Variants in MAPK10 observed in about 807,000 individuals in gnomAD.
The protein encoded by MAPK10 is JNK3 alpha protein kinase.
In MAPK10, 25 loss-of-function variants were observed where a neutral mutation model predicts 59.3. That is an observed-to-expected ratio of 0.42 (90% confidence interval 0.31 to 0.59). MAPK10 has a LOEUF of 0.59. MAPK10 is among the 20% of genes least tolerant of loss of function. MAPK10 has a pLI of 0.15. For synonymous variants in MAPK10, 190 were observed against 200.5 expected, an observed-to-expected ratio of 0.95 and a Z score of 0.44; for missense variants, 351 against 568.9, an observed-to-expected ratio of 0.62 and a Z score of 3.90.
chr4:86,159,255 C>G, intron 4 of MAPK10, 43 bp downstream of exon 4: 2 of 1,490,530 alleles, frequency 1.3e-6, no homozygotes, highest in Non-Finnish European at 1.8e-6. Context: ...TAGTTGCACA[C>G]GGTGTGTTCC....
chr4:86,135,909 A>G (rs560608960), intron 4 of MAPK10, among the ~76,000 whole-genome samples: 19 of 152,218 alleles, frequency 1.2e-4, no homozygotes, highest in Middle Eastern at 3.2e-3. Flanking sequence ...AGGAGCCGAT[A>G]CGATCAACTG....
chr4:86,507,901 G>C (rs1261016532), intron 1 of MAPK10, among the ~76,000 whole-genome samples: 4 of 150,134 alleles, frequency 2.7e-5, no homozygotes, highest in African/African-American at 4.9e-5. Context: ...TTGCACAAAG[G>C]CCATTGCAAC....
intron 2 of MAPK10, among the ~76,000 whole-genome samples, chr4:86,304,422 C>T (rs2095528113): frequency 1.4e-5 from 2 of 143,764 alleles, no homozygotes; most frequent in East Asian, 2.0e-4. Context: ...AGACGGAGTC[C>T]CGCTGTTTAG....
intron 4 of MAPK10, among the ~76,000 whole-genome samples, chr4:86,144,162 C>T (rs924232329): frequency 6.6e-6 from 1 of 152,122 alleles, no homozygotes; most frequent in African/African-American, 2.4e-5. Flanking sequence ...ACAGCACATG[C>T]ACTTATAAAT....
chr4:86,407,651 T>A (rs1208662431), intron 1 of MAPK10, among the ~76,000 whole-genome samples: 4 of 146,094 alleles, frequency 2.7e-5, no homozygotes, highest in African/African-American at 1.0e-4. Flanking sequence ...TAGTAGGCAC[T>A]CAATGTTTAT....
chr4:86,166,063 C>G (rs1172257516), intron 3 of MAPK10, among the ~76,000 whole-genome samples: 1 of 152,226 alleles, frequency 6.6e-6, no homozygotes, highest in Non-Finnish European at 1.5e-5. Context: ...TTCTGCCTGC[C>G]TTCTTTACAT....
At chr4:86,290,767 C>G (rs543332518) in intron 2 of MAPK10, among the ~76,000 whole-genome samples, 1 of 152,102 alleles carries the variant, frequency 6.6e-6, no homozygotes, top group African/African-American at 2.4e-5. Flanking sequence ...GATGTAGCAG[C>G]CTTATAAAGT....
At position 86,198,336 on chromosome 4, in the gene MAPK10, T is replaced by G. The variant is rs756175626; in HGVS notation, c.-6-3929A>C. On this transcript the variant is annotated intron_variant, in intron 2 of 13. Coordinates refer to ENST00000641462, the MANE Select transcript of MAPK10 (RefSeq NM_138982.4). ...TGAGGTTTCTCTTCAGTAATGCAAC[T>G]GTGTGTGCTGAGGTCACCTGAACAT... 5.3e-5 allele frequency among the ~76,000 whole-genome samples: 8 copies of G among 152,184 alleles called. No homozygotes were observed. The South Asian group carries it at 1.5e-3, about 28-fold the overall frequency.
At chr4:86,293,233 A>G (rs748824798) in intron 2 of MAPK10, among the ~76,000 whole-genome samples, 1 of 152,220 alleles carries the variant, frequency 6.6e-6, no homozygotes, top group Admixed American at 6.5e-5. Context: ...AAAATATCAA[A>G]TGTATAGAAT....
intron 11 of MAPK10, among the ~76,000 whole-genome samples, chr4:86,042,593 A>T (rs1441570034): frequency 2.6e-5 from 4 of 152,192 alleles, no homozygotes; most frequent in Non-Finnish European, 5.9e-5. Context: ...ATAGTTTTTT[A>T]AAAATGCAAG....
At chr4:86,189,619 A>G (rs755531734) in intron 3 of MAPK10, among the ~76,000 whole-genome samples, 4 of 152,194 alleles carry the variant, frequency 2.6e-5, no homozygotes, top group Admixed American at 6.5e-5. Flanking sequence ...ACTTTGCTGA[A>G]GTTGCTTATC....
intron 3 of MAPK10, among the ~76,000 whole-genome samples, chr4:86,191,250 G>A (rs958254716): frequency 6.6e-6 from 1 of 152,278 alleles, no homozygotes; most frequent in Admixed American, 6.5e-5. Context: ...TTCTGTAGAT[G>A]TCTATTAGGT....
intron 2 of MAPK10, among the ~76,000 whole-genome samples, chr4:86,354,140 T>G (rs1186578264): frequency 6.6e-6 from 1 of 152,008 alleles, no homozygotes; most frequent in Non-Finnish European, 1.5e-5. Flanking sequence ...AAGAAAACCA[T>G]AATTTAGCTC....
intron 4 of MAPK10, among the ~76,000 whole-genome samples, chr4:86,122,057 T>G (rs533832901): frequency 5.3e-5 from 8 of 152,194 alleles, no homozygotes; most frequent in Non-Finnish European, 7.4e-5. Flanking sequence ...GTCTTTTTTT[T>G]GGGAGGGGCA....
chr4:86,144,405 C>T (rs1443710876), intron 4 of MAPK10, among the ~76,000 whole-genome samples: 1 of 151,960 alleles, frequency 6.6e-6, no homozygotes. Context: ...GCTCTTTGAG[C>T]AGATAAAGCA....
At position 86,244,927 on chromosome 4, in the gene MAPK10, T is replaced by C. The variant is rs533000874; in HGVS notation, c.-6-50520A>G. On this transcript the variant is annotated intron_variant, in intron 2 of 13. Transcript: ENST00000641462. ...TAGATTGCTTCCCCATCCTTCAGCA[T>C]TGACACAATATTTCCTATGTTACAC... Among the ~76,000 whole-genome samples, 4 of 152,364 alleles carry C rather than the reference T, an allele frequency of 2.6e-5. No individual in the cohort carries two copies. In the South Asian group the frequency reaches 8.3e-4, roughly 32 times the overall value.
intron 9 of MAPK10, among the ~76,000 whole-genome samples, chr4:86,092,088 A>C (rs986960673): frequency 2.6e-5 from 4 of 152,216 alleles, no homozygotes; most frequent in Non-Finnish European, 4.4e-5. Flanking sequence ...TAAAATATAT[A>C]TCTTCATGGG....
At chr4:86,172,035 C>G in intron 3 of MAPK10, among the ~76,000 whole-genome samples, 1 of 141,134 alleles carries the variant, frequency 7.1e-6, no homozygotes, top group South Asian at 2.2e-4. Flanking sequence ...TACCATCTCA[C>G]ACCAGTTAGA....
intron 1 of MAPK10, among the ~76,000 whole-genome samples, chr4:86,538,640 T>C (rs974516037): frequency 2.0e-5 from 3 of 152,218 alleles, no homozygotes; most frequent in East Asian, 1.9e-4. Context: ...TATAAACCAA[T>C]TGGAGAGTAG....
Sources: allele counts gnomAD v4.1 joint callset (sites outside exome capture counted in the v4.1 genomes callset), GRCh38; gene constraint gnomAD v4.1.1; transcripts MANE v1.5; gene names NCBI Gene and HGNC (gene_info 2026-07-23, HGNC 2026-07-21).